Variants in AGO1 observed in about 807,000 individuals in gnomAD.
The protein encoded by AGO1 is protein argonaute-1.
AGO1 carries 11 observed loss-of-function variants against 109.2 expected under a neutral mutation model. The ratio of observed to expected loss-of-function variants is 0.10; its 90% CI spans 0.06 to 0.17. The LOEUF (loss-of-function observed/expected upper bound fraction) is 0.17, where lower values mean the gene tolerates loss of function less well. Among genes scored for constraint, AGO1 ranks in the 10% least tolerant of loss-of-function variants. The pLI is 1.00. For synonymous variants in AGO1, 422 were observed against 418.6 expected, an observed-to-expected ratio of 1.01 and a Z score of -0.10; for missense variants, 574 against 1,140.3, an observed-to-expected ratio of 0.50 and a Z score of 7.15.
chr1:35,910,959 G>A (rs1434310375), intron 12 of AGO1, among the ~76,000 whole-genome samples: 1 of 152,120 alleles, frequency 6.6e-6, no homozygotes. Flanking sequence ...CCAGCTACTC[G>A]GGAGGCTGAG....
chr1:35,906,882 A>G (rs1436663271), intron 11 of AGO1, 53 bp from the exon 12 acceptor site: 2 of 1,522,406 alleles, frequency 1.3e-6, no homozygotes, highest in Non-Finnish European at 1.8e-6. Flanking sequence ...GATTTTTGTC[A>G]GAAGAATTCA....
chr1:35,881,603 T>C (rs958135515), upstream of AGO1, among the ~76,000 whole-genome samples: 6 of 152,248 alleles, frequency 3.9e-5, no homozygotes, highest in African/African-American at 1.4e-4. Flanking sequence ...ATTACAGGCG[T>C]GAGCCACTGC....
Position 35,892,640 on chromosome 1 carries a change from T to C in AGO1, c.293T>C (p.Ile98Thr). ...CCTGTGTATGATGGAAAGAAGAACA[T>C]TTACACTGTCACAGCACTGCCCATT... ...RKPVYDGKKN[I>T]YTVTALPIGN... Residue 98 changes from isoleucine (I) to threonine (T), a missense_variant, in exon 3 of 19, where the codon ATT becomes ACT. Ile to Thr is a moderately conservative substitution (Grantham distance 89). Around this residue, in one of 8 missense-constraint regions of AGO1, gnomAD observed 129 missense variants for 243.0 expected, o/e 0.53. Transcript: ENST00000373204. The C allele has an allele frequency of 1.2e-6, 2 of 1,614,114 alleles. No individual in the cohort carries two copies. The highest frequency in any genetic ancestry group is 2.2e-5 in the East Asian group (1 of 44,892).
At chr1:35,898,247 C>A (rs1645353267) in intron 8 of AGO1, among the ~76,000 whole-genome samples, 1 of 151,574 alleles carries the variant, frequency 6.6e-6, no homozygotes, top group Admixed American at 6.6e-5. Flanking sequence ...TAATATATAA[C>A]AATGTTTAAC....
At position 35,894,322 on chromosome 1, in the gene AGO1, G is replaced by A. The variant is rs1645278406; in HGVS notation, c.792G>A (p.Lys264=). Residue 264 remains lysine (K), a synonymous_variant, in exon 7 of 19, where the codon AAG becomes AAA. Transcript: ENST00000373204. Reference sequence around the variant, plus strand: ...GCAGTGTGTGTATCTCAGGCCTGAAGGTGGAAGTCACCCACTGTGGACAGA... The same window carrying A: ...GCAGTGTGTGTATCTCAGGCCTGAAAGTGGAAGTCACCCACTGTGGACAGA... ...VRFTKEIKGL[K]VEVTHCGQMK... 3 of 1,614,076 alleles carry A rather than the reference G, an allele frequency of 1.9e-6. No homozygotes were observed. Among genetic ancestry groups the A allele is most frequent in the Admixed American group, 3.3e-5 (2 of 60,008 alleles).
intron 8 of AGO1, among the ~76,000 whole-genome samples, 167 bp downstream of exon 8, chr1:35,895,436 C>T (rs1348684679): frequency 6.6e-6 from 1 of 152,144 alleles, no homozygotes; most frequent in African/African-American, 2.4e-5. Flanking sequence ...TAAGTTGTTT[C>T]CTTATCCCCC....
Position 35,921,394 on chromosome 1 carries a change from C to G in AGO1, c.*1787C>G, listed in dbSNP as rs1235875938. Reference sequence around the variant, plus strand: ...TGTTGGCCTTGAAGCAAGCATCCCCCCTGCCCTTTTTCCTTGACTGTTCAT... The same window carrying G: ...TGTTGGCCTTGAAGCAAGCATCCCCGCTGCCCTTTTTCCTTGACTGTTCAT... On this transcript the variant is annotated 3_prime_UTR_variant, in exon 19 of 19. Coordinates refer to ENST00000373204, the MANE Select transcript of AGO1 (RefSeq NM_012199.5). 6.6e-6 allele frequency: 1 copy of G among 152,292 alleles called. No individual in the cohort carries two copies. The highest frequency in any genetic ancestry group is 1.5e-5 in the Non-Finnish European group (1 of 68,082). 9.4% of individuals were successfully genotyped at this position (152,292 alleles called of 1,614,324 possible).
chr1:35,876,289 C>T (rs866581936), intron 1 of AGO1, among the ~76,000 whole-genome samples: 3 of 146,750 alleles, frequency 2.0e-5, no homozygotes, highest in Admixed American at 6.9e-5. Flanking sequence ...TTTTTTGAGA[C>T]GGAGTCTCAC....
intron 8 of AGO1, among the ~76,000 whole-genome samples, chr1:35,895,921 T>C (rs1003624382): frequency 6.6e-6 from 1 of 152,232 alleles, no homozygotes; most frequent in African/African-American, 2.4e-5. Context: ...AGTGTGGTCA[T>C]GTGTACCAAT....
upstream of AGO1, among the ~76,000 whole-genome samples, chr1:35,881,760 C>T (rs1408019872): frequency 1.1e-4 from 16 of 152,214 alleles, no homozygotes; most frequent in Non-Finnish European, 1.5e-5. Flanking sequence ...CCCTTAAGTT[C>T]CCAGCCTCTG....
chr1:35,878,614 A>G (rs574527356), upstream of AGO1, among the ~76,000 whole-genome samples: 2 of 152,272 alleles, frequency 1.3e-5, no homozygotes, highest in Admixed American at 6.5e-5. Context: ...CAAATGTCCA[A>G]TAGACATTAT....
chr1:35,895,521 G>A, intron 8 of AGO1, among the ~76,000 whole-genome samples: 1 of 152,118 alleles, frequency 6.6e-6, no homozygotes, highest in East Asian at 1.9e-4. Context: ...TAATTAGTTC[G>A]TAGAGGACAG....
chr1:35,908,042 C>T (rs1645556958), intron 12 of AGO1, among the ~76,000 whole-genome samples: 1 of 152,158 alleles, frequency 6.6e-6, no homozygotes, highest in Admixed American at 6.6e-5. Context: ...ATTTCTTGAG[C>T]CCAAGAGGTT....
intron 1 of AGO1, among the ~76,000 whole-genome samples, chr1:35,884,460 A>G (rs1469323647): frequency 2.0e-5 from 3 of 152,160 alleles, no homozygotes; most frequent in Admixed American, 1.3e-4. Flanking sequence ...CTTTTAATCC[A>G]AAGATTTTCC....
Position 35,894,495 on chromosome 1 carries a change from T to TGAGAA in AGO1, c.872+94_872+98dup. The TGAGAA allele has an allele frequency of 2.3e-6, 3 of 1,288,864 alleles. No homozygotes were observed. The Admixed American group carries it at 6.0e-5, about 26-fold the overall frequency. 79.8% of individuals were successfully genotyped at this position (1,288,864 alleles called of 1,614,324 possible). A position where few individuals can be genotyped will look rare whatever the true frequency, so the allele number is the denominator to read the frequency against. On this transcript the variant is annotated intron_variant, in intron 7 of 18. Transcript: ENST00000373204. ...CCCTCCCTCCCTCCCCCACTGGCCTTGAGAATGAGCCTTGGGGACTGGCCC... is the reference window on the plus strand; with the variant it reads ...CCCTCCCTCCCTCCCCCACTGGCCTTGAGAAGAGAATGAGCCTTGGGGACTGGCCC...
At chr1:35,918,922 A>G (rs2148725876) in intron 17 of AGO1, 133 bp from the exon 18 acceptor site, 1 of 788,780 alleles carries the variant, frequency 1.3e-6, no homozygotes, top group East Asian at 2.7e-5. Context: ...GCTTTATGAC[A>G]TTGGTAGTTT....
chr1:35,883,357 A>G lies in AGO1; in HGVS notation c.-65A>G. The stretch of plus-strand genomic sequence containing the variant: ...ATCCCGAGCAGCGAGAGTGTGGGGT[A>G]CCTAGGCCCCTCACGCTGGACTTCA... On this transcript the variant is annotated 5_prime_UTR_variant, in exon 1 of 19. Coordinates refer to ENST00000373204, the MANE Select transcript of AGO1 (RefSeq NM_012199.5). The surrounding 1 kb of genome is among the most constrained non-coding windows in gnomAD (Gnocchi z 5.4). 1.9e-6 allele frequency: 3 copies of G among 1,578,124 alleles called. No homozygotes were observed. The highest frequency in any genetic ancestry group is 2.6e-6 in the Non-Finnish European group (3 of 1,164,918).
Position 35,883,920 on chromosome 1 carries a change from C to A in AGO1, c.25+474C>A, listed in dbSNP as rs768576831. Among the ~76,000 whole-genome samples, 2 of 152,348 alleles carry A rather than the reference C, an allele frequency of 1.3e-5. No individual in the cohort carries two copies. The highest frequency in any genetic ancestry group is 4.1e-4 in the South Asian group (2 of 4,824). ...GTGAGCTCCGCCCCACTGGGCCTGA[C>A]GCGAGGGCGAGGGTCAGGGGGCGGT... is the stretch of plus-strand genomic sequence containing the variant. On this transcript the variant is annotated intron_variant, in intron 1 of 18. Transcript: ENST00000373204. The surrounding 1 kb of genome is among the most constrained non-coding windows in gnomAD (Gnocchi z 5.4).
At chr1:35,899,312 C>T (rs1645375368) in intron 8 of AGO1, among the ~76,000 whole-genome samples, 1 of 152,152 alleles carries the variant, frequency 6.6e-6, no homozygotes, top group Non-Finnish European at 1.5e-5. Flanking sequence ...TGGGTTGCTT[C>T]TTCCTTTTGG....
Sources: gnomAD v4.1 joint callset for allele counts (sites outside exome capture counted in the v4.1 genomes callset) on GRCh38, gnomAD v4.1.1 for gene constraint, gnomAD v4.1.1 regional missense constraint, Gnocchi (gnomAD v3.1) non-coding constraint, MANE v1.5 for transcripts, NCBI Gene and HGNC (gene_info 2026-07-23, HGNC 2026-07-21) for gene names.